PDE4D: variants seen among roughly 807,000 people sequenced by gnomAD.
The protein encoded by PDE4D is phosphodiesterase 4D.
A neutral mutation model predicts 87.4 loss-of-function variants in PDE4D; 24 were observed. The observed-to-expected ratio is 0.27, with a 90% CI of 0.20 to 0.39. The LOEUF is 0.39. Ranked by LOEUF, PDE4D falls within the 10% of genes least tolerant of loss-of-function variation. PDE4D has a pLI of 1.00. For synonymous variants in PDE4D, 384 were observed against 383.2 expected (o/e 1.00, Z -0.02); for missense variants, 714 against 1,041.0 (o/e 0.69, Z 4.32).
At chr5:59,291,009 G>C (rs27177) in intron 1 of PDE4D, among the ~76,000 whole-genome samples, 1 of 152,016 alleles carries the variant, frequency 6.6e-6, no homozygotes, top group East Asian at 1.9e-4. Flanking sequence ...AACCACTATG[G>C]AGAACAGTTT....
chr5:59,482,512 A>G (rs1235589179), intron 1 of PDE4D, among the ~76,000 whole-genome samples: 1 of 152,190 alleles, frequency 6.6e-6, no homozygotes, highest in Non-Finnish European at 1.5e-5. Flanking sequence ...ATAAAAGAAT[A>G]TGCCCTTAGA....
chr5:59,964,491 T>C (rs928810169), intron 3 of PDE4D, among the ~76,000 whole-genome samples: 6 of 152,168 alleles, frequency 3.9e-5, no homozygotes, highest in Non-Finnish European at 1.5e-5. Context: ...AGGATCTCAA[T>C]CCTTCTCCTG....
At chr5:59,153,065 T>C (rs541896011) in intron 5 of PDE4D, among the ~76,000 whole-genome samples, 1 of 151,666 alleles carries the variant, frequency 6.6e-6, no homozygotes, top group African/African-American at 2.4e-5. Context: ...GGAAAGAAAA[T>C]GGAAGGAGCA....
chr5:59,863,512 T>C (rs1269944105), intron 1 of PDE4D, among the ~76,000 whole-genome samples: 1 of 152,200 alleles, frequency 6.6e-6, no homozygotes, highest in African/African-American at 2.4e-5. Context: ...GAATATCTTT[T>C]AACTTCAGTT....
chr5:60,210,812 A>C (rs904320009), intron 1 of PDE4D, among the ~76,000 whole-genome samples: 1 of 151,000 alleles, frequency 6.6e-6, no homozygotes, highest in African/African-American at 2.4e-5. Context: ...GGTAGGCTAC[A>C]ATGTAGGGGA....
intron 6 of PDE4D, among the ~76,000 whole-genome samples, chr5:59,016,385 C>T (rs1580312831): frequency 7.7e-5 from 9 of 117,302 alleles, no homozygotes; most frequent in Admixed American, 3.7e-4. Context: ...GATTATCAGT[C>T]TGTTCTTTTT....
At chr5:59,734,080 T>A (rs1757749648) in intron 1 of PDE4D, among the ~76,000 whole-genome samples, 1 of 151,958 alleles carries the variant, frequency 6.6e-6, no homozygotes, top group African/African-American at 2.4e-5. Context: ...GTAAAAAAAA[T>A]TCTCCCTGAA....
chr5:59,988,504 A>C (rs1582062027), exon 3 of PDE4D: 2 of 1,597,062 alleles, frequency 1.3e-6, no homozygotes, highest in East Asian at 2.2e-5. Context: ...GATTCTGCAG[A>C]AGTGATAGCA....
chr5:59,126,599 G>A (rs573433152), intron 5 of PDE4D, among the ~76,000 whole-genome samples: 42 of 152,274 alleles, frequency 2.8e-4, no homozygotes, highest in Admixed American at 5.9e-4. Flanking sequence ...CATATCTCTC[G>A]AGGGCTGCTC....
rs142853682 is a variant in PDE4D, at chr5:60,306,250, T to G, written c.-89-120563A>C. ...GCATAGGCTAAAGAATAAATCCAAATTGTAATTACAAACTATTTTAAAGTT... is the reference window on the plus strand; with the variant it reads ...GCATAGGCTAAAGAATAAATCCAAAGTGTAATTACAAACTATTTTAAAGTT... On this transcript the variant is annotated intron_variant, in intron 1 of 16. Coordinates refer to the PDE4D transcript ENST00000502484. 3.6e-3 allele frequency among the ~76,000 whole-genome samples: 545 copies of G among 152,194 alleles called. 4 individuals are homozygous for G. Among genetic ancestry groups the G allele is most frequent in the African/African-American group, 0.013 (521 of 41,564 alleles).
At chr5:60,277,200 TA>T (rs1259077131) in intron 1 of PDE4D, among the ~76,000 whole-genome samples, 2 of 152,106 alleles carry the variant, frequency 1.3e-5, no homozygotes, top group Non-Finnish European at 2.9e-5. Context: ...GATTTTCCTC[TA>T]AAAGCCAGTA....
rs1268285783 is a variant in PDE4D at position 59,893,587 on chromosome 5, C to T, written c.36G>A (p.Ala12=). The change falls in exon 1 of 15, where the codon GCG becomes GCA. Residue 12 remains alanine, a synonymous_variant. Transcript: ENST00000340635. Reference sequence around the variant, plus strand: ...CGCTGTCGCTGCCCTCTCCGCTGCCCGCCCGGGCCGGCGCGCTGCTGCCCT... The same window carrying T: ...CGCTGTCGCTGCCCTCTCCGCTGCCTGCCCGGGCCGGCGCGCTGCTGCCCT... ...EAEGSSAPAR[A]GSGEGSDSAG... The T allele has an allele frequency of 1.3e-6, 2 of 1,522,578 alleles. No homozygotes were observed. Among genetic ancestry groups the T allele is most frequent in the East Asian group, 2.6e-5 (1 of 38,096 alleles). 94.3% of individuals were successfully genotyped at this position (1,522,578 alleles called of 1,614,324 possible).
At position 59,893,168 on chromosome 5, in the gene PDE4D, C is replaced by A. The variant is rs973999806; in HGVS notation, c.455G>T (p.Arg152Leu). Residue 152 changes from arginine to leucine, a missense_variant and splice_region_variant, in exon 1 of 15, where the codon CGT (arginine) becomes CTT (leucine). Arg to Leu is a moderately radical substitution (Grantham distance 102, BLOSUM62 -2). Coordinates refer to ENST00000340635, the MANE Select transcript of PDE4D (RefSeq NM_001104631.2). The stretch of plus-strand genomic sequence containing the variant: ...GGGGGAGGGGGCGCTCTCCACTCAC[C>A]GCCTGAGTCCCTGGAACGAGGAGGG... Reference protein sequence around the residue: ...SWPSSFQGLRRFDVDNGTSAG... With the variant: ...SWPSSFQGLRLFDVDNGTSAG... 4 of 1,557,180 alleles carry A rather than the reference C, an allele frequency of 2.6e-6. No homozygotes were observed. In the South Asian group the frequency reaches 3.6e-5, roughly 14 times the overall value.
At chr5:60,509,517 T>C (rs2150253952) in intron 1 of PDE4D, among the ~76,000 whole-genome samples, 1 of 152,334 alleles carries the variant, frequency 6.6e-6, no homozygotes. Context: ...ACATTGATTT[T>C]CTCTCCATTC....
chr5:60,059,679 A>C (rs373707302), intron 2 of PDE4D, among the ~76,000 whole-genome samples: 1 of 152,028 alleles, frequency 6.6e-6, no homozygotes, highest in African/African-American at 2.4e-5. Flanking sequence ...GAAAGGGTAC[A>C]GGAGTGACAT....
At chr5:58,984,647 A>G (rs931130184) in intron 11 of PDE4D, among the ~76,000 whole-genome samples, 1 of 152,342 alleles carries the variant, frequency 6.6e-6, no homozygotes, top group East Asian at 1.9e-4. Context: ...AGCTAGATAC[A>G]TCTTAACCTT....
At chr5:59,970,288 C>T (rs1055542466) in intron 3 of PDE4D, among the ~76,000 whole-genome samples, 1 of 152,170 alleles carries the variant, frequency 6.6e-6, no homozygotes, top group African/African-American at 2.4e-5. Context: ...ATTCAGGACA[C>T]AGGCATGGGC....
chr5:59,531,183 T>G (rs1337563217), intron 1 of PDE4D, among the ~76,000 whole-genome samples: 1 of 152,208 alleles, frequency 6.6e-6, no homozygotes, highest in Non-Finnish European at 1.5e-5. Context: ...AACTGCTCTT[T>G]TAATGGTGAT....
intron 5 of PDE4D, among the ~76,000 whole-genome samples, chr5:59,084,377 G>A (rs797022394): frequency 3.3e-5 from 5 of 151,840 alleles, no homozygotes; most frequent in African/African-American, 1.2e-4. Flanking sequence ...GAAAATATTG[G>A]TGTTGGAAAA....
Sources: allele counts gnomAD v4.1 joint callset (sites outside exome capture counted in the v4.1 genomes callset), GRCh38; gene constraint gnomAD v4.1.1; transcripts MANE v1.5; gene names NCBI Gene and HGNC (gene_info 2026-07-23, HGNC 2026-07-21).